The following DSE variants were observed in gnomAD, a reference collection of about 807,000 sequenced individuals.
DSE encodes dermatan sulfate epimerase.
A neutral mutation model predicts 84.4 loss-of-function variants in DSE; 36 were observed. That is an observed-to-expected ratio of 0.43 (90% CI 0.33 to 0.56). DSE has a LOEUF of 0.56. DSE is among the 20% of genes least tolerant of loss of function. The pLI, the probability that DSE is intolerant of heterozygous loss-of-function variation, is 0.06. For synonymous variants in DSE, 410 were observed against 430.1 expected (o/e 0.95, Z 0.58); for missense variants, 862 against 1,169.6 (o/e 0.74, Z 3.84).
chr6:116,270,426 C>T (rs964129482), intron 2 of DSE, among the ~76,000 whole-genome samples: 1 of 152,112 alleles, frequency 6.6e-6, no homozygotes, highest in Non-Finnish European at 1.5e-5. Flanking sequence ...CTACATGCCT[C>T]TTATAAGTAA....
chr6:116,289,113 T>G (rs1463663177), intron 2 of DSE, among the ~76,000 whole-genome samples: 1 of 152,046 alleles, frequency 6.6e-6, no homozygotes, highest in Non-Finnish European at 1.5e-5. Flanking sequence ...TGAAGCTAAA[T>G]GGGTCAAATT....
At chr6:116,354,064 T>C (rs1562249465) in intron 2 of DSE, among the ~76,000 whole-genome samples, 1 of 152,172 alleles carries the variant, frequency 6.6e-6, no homozygotes, top group Non-Finnish European at 1.5e-5. Context: ...TGTACACCTA[T>C]ATCTACAGCA....
chr6:116,344,156 G>T (rs1777794199), intron 2 of DSE, among the ~76,000 whole-genome samples: 1 of 152,232 alleles, frequency 6.6e-6, no homozygotes, highest in Non-Finnish European at 1.5e-5. Context: ...ATCTACATCT[G>T]ATTGGCATAC....
chr6:116,314,210 C>T (rs1775847300), intron 2 of DSE, among the ~76,000 whole-genome samples: 1 of 152,168 alleles, frequency 6.6e-6, no homozygotes, highest in Non-Finnish European at 1.5e-5. Flanking sequence ...TATGGCAGGA[C>T]TATAAATAGA....
intron 2 of DSE, among the ~76,000 whole-genome samples, chr6:116,349,940 C>T (rs562425865): frequency 6.6e-6 from 1 of 152,190 alleles, no homozygotes; most frequent in South Asian, 2.1e-4. Context: ...AATTTGTCTC[C>T]TCACTTGGCC....
At chr6:116,254,419 T>C (rs569533221) in intron 1 of DSE, 10 of 417,310 alleles carry the variant, frequency 2.4e-5, no homozygotes, top group Non-Finnish European at 4.8e-5. Flanking sequence ...TTCATAGGGC[T>C]TCTCCTGAGT....
At chr6:116,339,033 A>G (rs1777433264) in intron 2 of DSE, among the ~76,000 whole-genome samples, 1 of 152,104 alleles carries the variant, frequency 6.6e-6, no homozygotes, top group Non-Finnish European at 1.5e-5. Flanking sequence ...ATCTGTATCC[A>G]TTTACTGGTA....
intron 2 of DSE, among the ~76,000 whole-genome samples, chr6:116,326,416 TTGGCAGTTAC>T (rs1365116579): frequency 2.0e-5 from 3 of 152,218 alleles, no homozygotes; most frequent in Non-Finnish European, 2.9e-5. Context: ...ATGAAATTTT[TTGGCAGTTAC>T]TGTGATATTT....
At chr6:116,258,813 G>A in exon 2 of DSE, 4 of 1,608,394 alleles carry the variant, frequency 2.5e-6, no homozygotes, top group Non-Finnish European at 3.4e-6. Flanking sequence ...CTGTGAGCAG[G>A]TGTATGACCT....
chr6:116,417,421 A>G (rs953692967), intron 2 of DSE, among the ~76,000 whole-genome samples: 2 of 152,070 alleles, frequency 1.3e-5, no homozygotes, highest in East Asian at 3.9e-4. Flanking sequence ...GATTCTTTTT[A>G]TTTACAAATC....
exon 2 of DSE, chr6:116,258,843 GCA>G (rs777848105): frequency 2.5e-6 from 4 of 1,608,226 alleles, no homozygotes; most frequent in East Asian, 4.5e-5. Context: ...GCTTGACGAT[GCA>G]CACAGTCATG....
chr6:116,438,898 CTTA>C lies in DSE; in HGVS notation c.*1558_*1560del, dbSNP rs1784332031. ...AAGTTTGACTTTTAACTGTGCTTCA[CTTA>C]TTATGCTTGGAATCTAGAAAACGAC... is the stretch of plus-strand genomic sequence containing the variant. On this transcript the variant is annotated 3_prime_UTR_variant, in exon 6 of 6. Transcript: ENST00000644252. 6.6e-6 allele frequency: 1 copy of C among 152,150 alleles called. No homozygotes were observed. The highest frequency in any genetic ancestry group is 1.5e-5 in the Non-Finnish European group (1 of 68,010). 9.4% of individuals were successfully genotyped at this position (152,150 alleles called of 1,614,324 possible). A position where few individuals can be genotyped will look rare whatever the true frequency, so the allele number is the denominator to read the frequency against.
chr6:116,358,089 CTTG>C (rs1778678837), intron 2 of DSE, among the ~76,000 whole-genome samples: 1 of 152,160 alleles, frequency 6.6e-6, no homozygotes, highest in Non-Finnish European at 1.5e-5. Context: ...TAGTTGAATC[CTTG>C]CTGCTGGAAG....
chr6:116,394,638 G>A (rs1781124898), intron 1 of DSE, among the ~76,000 whole-genome samples: 3 of 151,994 alleles, frequency 2.0e-5, no homozygotes, highest in Non-Finnish European at 2.9e-5. Context: ...TGTGGATATG[G>A]AGTCTCACTA....
rs1775414490 is a variant in DSE at position 116,307,361 on chromosome 6, T to C, written c.-54+48394T>C. The stretch of plus-strand genomic sequence containing the variant: ...CTAGTTTCTAGTCAAGCCGATGCAT[T>C]GTATATGCTCCTACTTGCCTGTTCC... On this transcript the variant is annotated intron_variant, in intron 2 of 3. Coordinates refer to the DSE transcript ENST00000430252. 2.6e-5 allele frequency among the ~76,000 whole-genome samples: 4 copies of C among 152,350 alleles called. No individual in the cohort carries two copies. In the South Asian group the frequency reaches 8.3e-4, roughly 32 times the overall value.
intron 1 of DSE, among the ~76,000 whole-genome samples, chr6:116,398,235 G>A (rs1037117348): frequency 5.3e-5 from 8 of 152,194 alleles, no homozygotes; most frequent in Non-Finnish European, 1.0e-4. Flanking sequence ...TGACTAGGCT[G>A]AGGTTTTGGG....
chr6:116,277,298 C>T (rs1462394002), intron 2 of DSE: 6 of 152,646 alleles, frequency 3.9e-5, no homozygotes, highest in Non-Finnish European at 1.5e-5. Flanking sequence ...TTCAATTCTC[C>T]CTGAAAAGTA....
At chr6:116,361,388 C>T (rs2114879912) in intron 2 of DSE, among the ~76,000 whole-genome samples, 1 of 152,140 alleles carries the variant, frequency 6.6e-6, no homozygotes, top group East Asian at 1.9e-4. Context: ...AAGAAATACC[C>T]ATAGCTTCTT....
chr6:116,279,189 C>G, intron 2 of DSE: 1 of 1,611,682 alleles, frequency 6.2e-7, no homozygotes, highest in Non-Finnish European at 8.5e-7. Flanking sequence ...CTTCCTCCCT[C>G]GCCTCCTCCT....
Sources: gnomAD v4.1 joint callset for allele counts (sites outside exome capture counted in the v4.1 genomes callset) on GRCh38, gnomAD v4.1.1 for gene constraint, MANE v1.5 for transcripts, NCBI Gene and HGNC (gene_info 2026-07-23, HGNC 2026-07-21) for gene names.